The following EPB41L5 variants were observed in gnomAD, a reference collection of about 807,000 sequenced individuals.
EPB41L5 encodes erythrocyte membrane protein band 4.1 like 5.
Under a neutral mutation model 106.6 loss-of-function variants are expected in EPB41L5, and 55 were observed. That is an observed-to-expected ratio of 0.52 (90% CI 0.42 to 0.65). The LOEUF (loss-of-function observed/expected upper bound fraction) is 0.65, where lower values mean the gene tolerates loss of function less well. Ranked by LOEUF, EPB41L5 falls within the 30% of genes least tolerant of loss-of-function variation. The pLI is 0.00. For synonymous variants in EPB41L5, 297 were observed against 306.7 expected, an observed-to-expected ratio of 0.97 and a Z score of 0.33; for missense variants, 871 against 882.1, an observed-to-expected ratio of 0.99 and a Z score of 0.16.
At chr2:120,044,940 C>G (rs183537763) in intron 3 of EPB41L5, among the ~76,000 whole-genome samples, 57 of 152,268 alleles carry the variant, frequency 3.7e-4, no homozygotes, top group African/African-American at 1.3e-3. Flanking sequence ...AAAATGAACT[C>G]CAGATAAGCT....
chr2:120,100,390 A>G, intron 15 of EPB41L5, 104 bp downstream of exon 15: 1 of 1,042,500 alleles, frequency 9.6e-7, no homozygotes, highest in Non-Finnish European at 1.4e-6. Context: ...CCCTGCACAA[A>G]TTATGTGCAT....
intron 18 of EPB41L5, among the ~76,000 whole-genome samples, chr2:120,142,115 A>T (rs12105798): frequency 0.076 from 1,506 of 19,812 alleles, 23 homozygotes; most frequent in African/African-American, 0.097. Flanking sequence ...TTCTTTTTTA[A>T]AAAAAAAAAA....
At chr2:120,079,088 A>G (rs924976131) in intron 10 of EPB41L5, among the ~76,000 whole-genome samples, 1 of 152,178 alleles carries the variant, frequency 6.6e-6, no homozygotes, top group Non-Finnish European at 1.5e-5. Flanking sequence ...AATTGAGTCC[A>G]TCAGATTTTG....
At chr2:120,174,275 G>C (rs972885814) in intron 24 of EPB41L5, among the ~76,000 whole-genome samples, 6 of 152,158 alleles carry the variant, frequency 3.9e-5, no homozygotes, top group African/African-American at 1.4e-4. Context: ...GGGCAACATA[G>C]TGAAACCCCA....
intron 22 of EPB41L5, 50 bp from the exon 23 acceptor site, chr2:120,167,416 A>G (rs776845298): frequency 6.8e-7 from 1 of 1,470,576 alleles, no homozygotes; most frequent in East Asian, 2.3e-5. Context: ...AAGTATGAAA[A>G]TAAGTCAGTC....
At chr2:120,140,858 T>A (rs1686143234) in intron 18 of EPB41L5, among the ~76,000 whole-genome samples, 1 of 152,062 alleles carries the variant, frequency 6.6e-6, no homozygotes, top group African/African-American at 2.4e-5. Context: ...CTATCAACAG[T>A]TGTTGTTTGC....
rs570697100 is a variant in EPB41L5 at position 120,127,496 on chromosome 2, A to G, written c.1338-192A>G. Among the ~76,000 whole-genome samples, 7 of 152,308 alleles carry G rather than the reference A, an allele frequency of 4.6e-5. No homozygotes were observed. In the South Asian group the frequency reaches 1.4e-3, roughly 32 times the overall value. ...GATTACATAGAAAACCTAATACAAT[A>G]TAAATGCTATGTAAATAGTTGTTAA... On this transcript the variant is annotated intron_variant, in intron 16 of 24. Transcript: ENST00000263713.
At chr2:120,034,764 C>G (rs1471776344) in intron 2 of EPB41L5, among the ~76,000 whole-genome samples, 1 of 152,096 alleles carries the variant, frequency 6.6e-6, no homozygotes, top group African/African-American at 2.4e-5. Context: ...ACTTGGGAGA[C>G]TGAGCCGAAA....
chr2:120,172,861 G>T (rs1687742070), intron 24 of EPB41L5, among the ~76,000 whole-genome samples: 2 of 152,072 alleles, frequency 1.3e-5, no homozygotes, highest in Non-Finnish European at 2.9e-5. Flanking sequence ...AACACAAACA[G>T]GCTCCCCACC....
chr2:120,086,690 G>A (rs1982334), intron 10 of EPB41L5, among the ~76,000 whole-genome samples: 103,341 of 152,028 alleles, frequency 0.68, 36,947 homozygotes, highest in Non-Finnish European at 0.79. Flanking sequence ...GCAGTGAGCT[G>A]TGAACACACT....
At chr2:120,146,151 A>G in intron 19 of EPB41L5, 74 bp from the exon 20 acceptor site, 1 of 904,358 alleles carries the variant, frequency 1.1e-6, no homozygotes, top group South Asian at 1.5e-5. Flanking sequence ...TTGTTACCAG[A>G]AAGAAATGTA....
chr2:120,164,101 G>T (rs1461564032), intron 21 of EPB41L5, among the ~76,000 whole-genome samples: 1 of 145,770 alleles, frequency 6.9e-6, no homozygotes, highest in Non-Finnish European at 1.5e-5. Flanking sequence ...TCCTGCCTCA[G>T]CCTCTCGAGT....
At chr2:120,132,372 A>G (rs1182781615) in intron 18 of EPB41L5, among the ~76,000 whole-genome samples, 1 of 152,070 alleles carries the variant, frequency 6.6e-6, no homozygotes, top group Non-Finnish European at 1.5e-5. Flanking sequence ...TTTTCCCTCT[A>G]CATACAGACA....
intron 2 of EPB41L5, among the ~76,000 whole-genome samples, chr2:120,030,761 G>A (rs1477542382): frequency 6.6e-6 from 1 of 151,884 alleles, no homozygotes; most frequent in Non-Finnish European, 1.5e-5. Context: ...CACCATATTG[G>A]CCAGGCTGGT....
chr2:120,074,633 T>C (rs888636910), intron 5 of EPB41L5, among the ~76,000 whole-genome samples: 1 of 152,226 alleles, frequency 6.6e-6, no homozygotes, highest in Non-Finnish European at 1.5e-5. Context: ...ATAAACCTTA[T>C]GTTGTATATA....
rs182515469 is a variant in EPB41L5 at position 120,169,672 on chromosome 2, C to T, written c.2135+1665C>T. 2.0e-5 allele frequency among the ~76,000 whole-genome samples: 3 copies of T among 152,256 alleles called. No individual in the cohort carries two copies. In the East Asian group the frequency reaches 5.8e-4, roughly 29 times the overall value. On this transcript the variant is annotated intron_variant, in intron 24 of 24. Coordinates refer to ENST00000263713, the MANE Select transcript of EPB41L5 (RefSeq NM_020909.4). ...TCTTAACTTTGTATGGCAAAGGACC[C>T]ACTCATATCTAGAATTTATAAAGAG...
At chr2:120,038,972 T>G (rs1679217112) in intron 2 of EPB41L5, among the ~76,000 whole-genome samples, 2 of 152,210 alleles carry the variant, frequency 1.3e-5, no homozygotes, top group Non-Finnish European at 2.9e-5. Flanking sequence ...TTATATGCAA[T>G]GGAATATTTT....
At chr2:120,098,156 T>TTGTGTGTGTGTG (rs60975047) in intron 14 of EPB41L5, among the ~76,000 whole-genome samples, 26,465 of 133,486 alleles carry the variant, frequency 0.2, 2,867 homozygotes, top group Non-Finnish European at 0.22. Flanking sequence ...ATTGTTTGTT[T>TTGTGTGTGTGTG]TGTGTGTGTG....
At chr2:120,167,376 G>A (rs1343430314) in intron 22 of EPB41L5, 90 bp from the exon 23 acceptor site, 3 of 1,126,912 alleles carry the variant, frequency 2.7e-6, no homozygotes, top group African/African-American at 1.5e-5. Flanking sequence ...TCCTAGAATG[G>A]ATTTCATAAT....
Sources: allele counts gnomAD v4.1 joint callset (sites outside exome capture counted in the v4.1 genomes callset), GRCh38; gene constraint gnomAD v4.1.1; transcripts MANE v1.5; gene names NCBI Gene and HGNC (gene_info 2026-07-23, HGNC 2026-07-21).